Variants in SDK1 observed in about 807,000 individuals in gnomAD.
SDK1 encodes protein sidekick-1.
SDK1 carries 157 observed loss-of-function variants against 245.5 expected under a neutral mutation model. The observed-to-expected ratio is 0.64, with a 90% CI of 0.56 to 0.73. The LOEUF (loss-of-function observed/expected upper bound fraction) is 0.73. Ranked by LOEUF, SDK1 falls within the 30% of genes least tolerant of loss-of-function variation. The pLI, the probability that SDK1 is intolerant of heterozygous loss-of-function variation, is 0.00. For synonymous variants in SDK1, 1,647 were observed against 1,278.5 expected, an observed-to-expected ratio of 1.29 and a Z score of -6.15; for missense variants, 3,583 against 3,002.3, an observed-to-expected ratio of 1.19 and a Z score of -4.52.
intron 4 of SDK1, among the ~76,000 whole-genome samples, chr7:3,658,609 CTTTTTTTTTTT>C (rs71029690): frequency 9.8e-6 from 1 of 101,964 alleles, no homozygotes; most frequent in South Asian, 3.7e-4. Context: ...CTACTATCTT[CTTTTTTTTTTT>C]TTTTTTTTTG....
At chr7:3,554,543 C>T (rs898228160) in intron 1 of SDK1, among the ~76,000 whole-genome samples, 1 of 152,144 alleles carries the variant, frequency 6.6e-6, no homozygotes, top group Non-Finnish European at 1.5e-5. Flanking sequence ...GTACTCACTC[C>T]TCCATAGGAT....
chr7:3,442,590 C>T (rs1239342096), intron 1 of SDK1, among the ~76,000 whole-genome samples: 1 of 152,168 alleles, frequency 6.6e-6, no homozygotes, highest in Non-Finnish European at 1.5e-5. Flanking sequence ...CACCACTCTG[C>T]CCTTTTCTAA....
chr7:3,487,152 TTGGCCCAC>T (rs1346061198), intron 1 of SDK1, among the ~76,000 whole-genome samples: 1 of 152,212 alleles, frequency 6.6e-6, no homozygotes, highest in Admixed American at 6.5e-5. Flanking sequence ...CAGGCTAGAA[TTGGCCCAC>T]TGGTCTTAGT....
chr7:3,716,830 A>G (rs1027881966), intron 4 of SDK1, among the ~76,000 whole-genome samples: 1 of 152,068 alleles, frequency 6.6e-6, no homozygotes, highest in Non-Finnish European at 1.5e-5. Context: ...ATGTGTTGCT[A>G]TAATAGTTAA....
At chr7:3,446,885 G>T (rs552337925) in intron 1 of SDK1, among the ~76,000 whole-genome samples, 1 of 152,034 alleles carries the variant, frequency 6.6e-6, no homozygotes, top group Non-Finnish European at 1.5e-5. Flanking sequence ...GTCTTTTTCA[G>T]TTGTTGCCTG....
chr7:3,609,352 A>G (rs1376264981), intron 1 of SDK1, among the ~76,000 whole-genome samples: 1 of 152,150 alleles, frequency 6.6e-6, no homozygotes, highest in African/African-American at 2.4e-5. Flanking sequence ...GGGGTTAAGT[A>G]GATTGTCCAA....
At chr7:3,933,103 G>A (rs537157865) in intron 5 of SDK1, among the ~76,000 whole-genome samples, 12 of 150,840 alleles carry the variant, frequency 8.0e-5, no homozygotes, top group African/African-American at 2.9e-4. Flanking sequence ...CGCATCCTCC[G>A]GCGGGAAATG....
chr7:3,796,964 A>G (rs1055650417), intron 4 of SDK1, among the ~76,000 whole-genome samples: 5 of 151,926 alleles, frequency 3.3e-5, no homozygotes, highest in African/African-American at 1.2e-4. Flanking sequence ...ATGTGATCAT[A>G]TATTTTCTTT....
At chr7:3,969,506 A>C in intron 11 of SDK1, 82 bp downstream of exon 11, 2 of 1,107,132 alleles carry the variant, frequency 1.8e-6, no homozygotes, top group Non-Finnish European at 2.5e-6. Context: ...GGATGTCAGC[A>C]TGCCCTTGGG....
Position 4,026,706 on chromosome 7 carries a change from G to A in SDK1, c.2602+9354G>A, listed in dbSNP as rs753616026. 2.6e-5 allele frequency among the ~76,000 whole-genome samples: 4 copies of A among 152,200 alleles called. No homozygotes were observed. Among genetic ancestry groups the A allele is most frequent in the East Asian group, 3.9e-4 (2 of 5,190 alleles). ...AAAGGTTTGTTAACCTAATAATGCC[G>A]TAGAAATGTTTAATGCAGTGAGAAC... On this transcript the variant is annotated intron_variant, in intron 17 of 44. Coordinates refer to ENST00000404826, the MANE Select transcript of SDK1 (RefSeq NM_152744.4). The surrounding 1 kb of genome is among the most constrained non-coding windows in gnomAD (Gnocchi z 4.1).
intron 22 of SDK1, among the ~76,000 whole-genome samples, chr7:4,092,815 G>A (rs10240845): frequency 0.02 from 3,000 of 152,288 alleles, 54 homozygotes; most frequent in Admixed American, 0.048. Context: ...GCCAAGCCCC[G>A]TCTCGAGGCT....
At chr7:3,725,410 C>T (rs1232360265) in intron 4 of SDK1, among the ~76,000 whole-genome samples, 5 of 152,080 alleles carry the variant, frequency 3.3e-5, no homozygotes, top group Admixed American at 3.3e-4. Flanking sequence ...TCTGGCTGTT[C>T]GCCTTGCAAT....
intron 19 of SDK1, 79 bp from the exon 20 acceptor site, chr7:4,067,758 GT>G (rs1196417490): frequency 1.9e-6 from 2 of 1,030,334 alleles, no homozygotes; most frequent in African/African-American, 3.2e-5. Context: ...TCCTTCCATA[GT>G]TAGAACCTTC....
In SDK1 at chr7:3,317,180, C is replaced by CAAAA. The variant is rs57138474; in HGVS notation, c.298+15321_298+15324dup. ...TGGGCAACAGAGTGAGACTCTGTCT[C>CAAAA]AAAAAAAAAAAAAAAAAAAAAAAAA... On this transcript the variant is annotated intron_variant, in intron 1 of 44. Transcript: ENST00000404826. 3.1e-4 allele frequency among the ~76,000 whole-genome samples: 10 copies of CAAAA among 32,732 alleles called. 1 individual carries two copies. Among genetic ancestry groups the CAAAA allele is most frequent in the South Asian group, 1.8e-3 (1 of 558 alleles). 21.5% of individuals were successfully genotyped at this position (32,732 alleles called of 152,430 possible). A position where few individuals can be genotyped will look rare whatever the true frequency, so the allele number is the denominator to read the frequency against.
At chr7:4,052,624 T>C (rs1028943452) in intron 19 of SDK1, among the ~76,000 whole-genome samples, 18 of 152,310 alleles carry the variant, frequency 1.2e-4, no homozygotes, top group African/African-American at 3.8e-4. Flanking sequence ...AAAAATATAC[T>C]GTATGAAATA....
At chr7:3,423,095 C>G (rs903614303) in intron 1 of SDK1, among the ~76,000 whole-genome samples, 2 of 152,104 alleles carry the variant, frequency 1.3e-5, no homozygotes, top group Non-Finnish European at 1.5e-5. Context: ...TAATCCTAAT[C>G]AAGAAGGAGT....
intron 14 of SDK1, among the ~76,000 whole-genome samples, chr7:3,988,096 A>G (rs988899758): frequency 6.8e-6 from 1 of 146,342 alleles, no homozygotes; most frequent in African/African-American, 2.5e-5. Flanking sequence ...CGGCCTCTCC[A>G]GCTTAACTTC....
At chr7:3,327,949 C>A (rs561524851) in intron 1 of SDK1, among the ~76,000 whole-genome samples, 125 of 152,180 alleles carry the variant, frequency 8.2e-4, no homozygotes, top group Non-Finnish European at 1.4e-3. Context: ...TATTTTGATA[C>A]CCTATCACTA....
intron 1 of SDK1, among the ~76,000 whole-genome samples, chr7:3,475,009 C>G (rs1269303373): frequency 6.6e-6 from 1 of 152,178 alleles, no homozygotes; most frequent in African/African-American, 2.4e-5. Flanking sequence ...TTGTATCATC[C>G]TAACTGATAC....
Sources: gnomAD v4.1 joint callset for allele counts (sites outside exome capture counted in the v4.1 genomes callset) on GRCh38, gnomAD v4.1.1 for gene constraint, Gnocchi (gnomAD v3.1) non-coding constraint, MANE v1.5 for transcripts, NCBI Gene and HGNC (gene_info 2026-07-23, HGNC 2026-07-21) for gene names.